The following NSMF variants were observed in gnomAD, a reference collection of about 807,000 sequenced individuals.
NSMF encodes the protein NMDA receptor synaptonuclear signaling and neuronal migration factor, also known as nasal embryonic LHRH factor.
Under a neutral mutation model 71.0 loss-of-function variants are expected in NSMF, and 31 were observed. The ratio of observed to expected loss-of-function variants is 0.44; its 90% CI spans 0.33 to 0.59. The LOEUF is 0.59. Among genes scored for constraint, NSMF ranks in the 20% least tolerant of loss-of-function variants. The probability of loss-of-function intolerance (pLI) is 0.04; values close to 1 mark genes in which losing one functional copy is unlikely to be tolerated. For missense variants in NSMF, 673 were observed against 740.5 expected, an observed-to-expected ratio of 0.91 and a Z score of 1.06; for synonymous variants, 345 against 287.1, an observed-to-expected ratio of 1.20 and a Z score of -2.04.
intron 3 of NSMF, 89 bp downstream of exon 3, chr9:137,457,318 G>A: frequency 1.3e-6 from 2 of 1,574,162 alleles, no homozygotes; most frequent in Non-Finnish European, 1.7e-6. Context: ...CCTGTTCTCT[G>A]TTCCAAGCCT....
chr9:137,454,821 C>T, intron 6 of NSMF: 1 of 1,289,584 alleles, frequency 7.8e-7, no homozygotes, highest in Non-Finnish European at 1.0e-6. Context: ...CCTGTCTGCA[C>T]CACCCCATGG....
Position 137,449,906 on chromosome 9 carries a change from C to T in NSMF, c.1419+17G>A. The T allele has an allele frequency of 6.2e-7, 1 of 1,600,938 alleles. No homozygotes were observed. On this transcript the variant is annotated intron_variant, in intron 14 of 15. Transcript: ENST00000371475. ...GGGTTTCCAGAGGTCTGGGGTGGGG[C>T]TTGGGGGTCACTGTACCTTCTCTCC...
rs1014974245 is a variant in NSMF, at chr9:137,453,196, G to A, written c.923-16C>T. 5.0e-6 allele frequency: 8 copies of A among 1,612,228 alleles called. No homozygotes were observed. Among genetic ancestry groups the A allele is most frequent in the Non-Finnish European group, 5.9e-6 (7 of 1,179,810 alleles). ...AGGTCACTGCCTGGGAAGCAAGAGG[G>A]TCACCAGGACAGCAGGCCCGGCAGC... On this transcript the variant is annotated splice_polypyrimidine_tract_variant and intron_variant, in intron 8 of 15. Transcript: ENST00000371475. This position sits in a 1 kb window ranked among gnomAD's most constrained non-coding sequence, Gnocchi z 4.5.
intron 12 of NSMF, 52 bp downstream of exon 12, chr9:137,452,313 C>T (rs1830575088): frequency 6.3e-6 from 10 of 1,581,660 alleles, no homozygotes; most frequent in Non-Finnish European, 8.7e-6. Context: ...TTGGTCTTCC[C>T]CTGCCCCACC....
Position 137,453,707 on chromosome 9 carries a change from G to A in NSMF, c.922+24C>T. Reference sequence around the variant, plus strand: ...TCTAGGGGAGGCTCTGGGGAAGGTGGGCGGGCCTGTGCGGGGCACCTACTG... The same window carrying A: ...TCTAGGGGAGGCTCTGGGGAAGGTGAGCGGGCCTGTGCGGGGCACCTACTG... On this transcript the variant is annotated intron_variant, in intron 8 of 15. Coordinates refer to ENST00000371475, the MANE Select transcript of NSMF (RefSeq NM_001130969.3). This position sits in a 1 kb window ranked among gnomAD's most constrained non-coding sequence, Gnocchi z 4.5. 1 of 1,576,122 alleles carries A rather than the reference G, an allele frequency of 6.3e-7. No individual in the cohort carries two copies.
chr9:137,457,755 C>A lies in NSMF; in HGVS notation c.280G>T (p.Gly94Cys). The change falls in exon 3 of 16, where the codon GGC (glycine) becomes TGC (cysteine). Residue 94 changes from glycine to cysteine, a missense_variant. This residue lies in a region of NSMF where 471 missense variants were observed against 459.6 expected (regional missense o/e 1.02). Coordinates refer to ENST00000371475, the MANE Select transcript of NSMF (RefSeq NM_001130969.3). The part of the protein sequence containing the change: ...SEEPSIRKPA[G>C]EGPQPRVYTI... ...TACACTCGAGGCTGAGGGCCCTCGC[C>A]TGCGGGCTTCCTAATGCTGGGCTCC... 2 of 1,559,388 alleles carry A rather than the reference C, an allele frequency of 1.3e-6. No homozygotes were observed. Among genetic ancestry groups the A allele is most frequent in the Non-Finnish European group, 1.7e-6 (2 of 1,151,860 alleles).
chr9:137,454,262 G>A (rs1328665356), intron 7 of NSMF, 129 bp downstream of exon 7: 2 of 908,394 alleles, frequency 2.2e-6, no homozygotes, highest in East Asian at 5.3e-5. Context: ...TGGCTGGAAG[G>A]GGAGGAGCCT....
chr9:137,449,645 A>C lies in NSMF; in HGVS notation c.1449T>G (p.Thr483=), dbSNP rs770546717. 6.2e-7 allele frequency: 1 copy of C among 1,612,520 alleles called. No individual in the cohort carries two copies. Among genetic ancestry groups the C allele is most frequent in the Non-Finnish European group, 8.5e-7 (1 of 1,179,758 alleles). Residue 483 remains threonine, a synonymous_variant, in exon 15 of 16, where the codon ACT becomes ACG. Transcript: ENST00000371475. ...KLFQNLRTLM[T]PYRVTFESPL... ...GTGACTCGAAGGTGACCCTATAAGGAGTCATGAGGGTCCTGAGGTTCTGGA... is the reference window on the plus strand; with the variant it reads ...GTGACTCGAAGGTGACCCTATAAGGCGTCATGAGGGTCCTGAGGTTCTGGA...
rs1388854372 is a variant in NSMF at position 137,455,618 on chromosome 9, C to G, written c.710+11G>C. On this transcript the variant is annotated intron_variant, in intron 5 of 15. Coordinates refer to ENST00000371475, the MANE Select transcript of NSMF (RefSeq NM_001130969.3). ...CTGTGCCCTTAGGCACCAAGTCATA[C>G]AGGTACTTACGAGATGCTGAAGCCA... The G allele has an allele frequency of 6.5e-7, 1 of 1,550,376 alleles. No individual in the cohort carries two copies. Among genetic ancestry groups the G allele is most frequent in the Non-Finnish European group, 8.7e-7 (1 of 1,146,896 alleles).
chr9:137,452,848 C>T, intron 9 of NSMF, 29 bp from the exon 10 acceptor site: 1 of 1,582,588 alleles, frequency 6.3e-7, no homozygotes, highest in South Asian at 1.1e-5. Context: ...GCTCAGGGGC[C>T]CCAGGCCCAT....
intron 3 of NSMF, 113 bp downstream of exon 3, chr9:137,457,294 C>T: frequency 2.8e-6 from 4 of 1,454,474 alleles, no homozygotes; most frequent in African/African-American, 1.4e-5. Context: ...CGCTGGCATG[C>T]TGTGACCTGA....
At chr9:137,457,278 T>G in intron 3 of NSMF, 129 bp downstream of exon 3, 1 of 1,345,344 alleles carries the variant, frequency 7.4e-7, no homozygotes. Context: ...GTTTTAATCT[T>G]GAGTCCGCTG....
chr9:137,456,491 G>A lies in NSMF; in HGVS notation c.629-5C>T, dbSNP rs1830842863. 2 of 1,608,300 alleles carry A rather than the reference G, an allele frequency of 1.2e-6. No individual in the cohort carries two copies. The highest frequency in any genetic ancestry group is 1.3e-5 in the African/African-American group (1 of 74,918). On this transcript the variant is annotated splice_polypyrimidine_tract_variant and splice_region_variant and intron_variant, in intron 3 of 15. Coordinates refer to ENST00000371475, the MANE Select transcript of NSMF (RefSeq NM_001130969.3). ...AGGTACGAATAGGGATGTCGTCTAA[G>A]AGAGACAAAAAGGAGCGGTGGCTGG...
chr9:137,454,571 C>T (rs1236135189), intron 6 of NSMF, 128 bp from the exon 7 acceptor site: 8 of 1,547,736 alleles, frequency 5.2e-6, no homozygotes, highest in South Asian at 4.8e-5. Context: ...CTCTCCCTGG[C>T]TCCTGGCACC....
In NSMF at chr9:137,450,160, G is replaced by A. The variant is rs921204278; in HGVS notation, c.1316+16C>T. ...GCCTCCAGCCCTCCCCGCGCCCAGG[G>A]CACCCGGCTTCTCACTGAATCATGT... On this transcript the variant is annotated intron_variant, in intron 13 of 15. Coordinates refer to ENST00000371475, the MANE Select transcript of NSMF (RefSeq NM_001130969.3). The A allele has an allele frequency of 6.8e-6, 11 of 1,612,112 alleles. No individual in the cohort carries two copies. The highest frequency in any genetic ancestry group is 1.7e-5 in the Admixed American group (1 of 59,992).
At chr9:137,455,545 G>A (rs1830790581) in intron 5 of NSMF, 84 bp downstream of exon 5, 3 of 1,470,144 alleles carry the variant, frequency 2.0e-6, no homozygotes, top group Non-Finnish European at 2.8e-6. Flanking sequence ...CAGGTCCCTG[G>A]CCTGCCCAAA....
chr9:137,449,458 C>G lies in NSMF; in HGVS notation c.1529G>C (p.Arg510Pro), dbSNP rs1564256670. The G allele has an allele frequency of 6.2e-7, 1 of 1,612,946 alleles. No individual in the cohort carries two copies. The highest frequency in any genetic ancestry group is 8.5e-7 in the Non-Finnish European group (1 of 1,179,942). The change falls in exon 16 of 16, where the codon CGG (arginine) becomes CCG (proline). Residue 510 changes from arginine (R) to proline (P), a missense_variant. Transcript: ENST00000371475. Reference protein sequence around the residue: ...KQMIETYFDFRLYRLWKSRQH... With the variant: ...KQMIETYFDFPLYRLWKSRQH... Reference sequence around the variant, plus strand: ...GCGGCTCTTCCACAGGCGATACAACCGGAAGTCAAAGTACGTCTCGATCAT... The same window carrying G: ...GCGGCTCTTCCACAGGCGATACAACGGGAAGTCAAAGTACGTCTCGATCAT...
chr9:137,458,008 G>C, intron 2 of NSMF, 107 bp from the exon 3 acceptor site: 1 of 1,482,212 alleles, frequency 6.7e-7, no homozygotes, highest in Non-Finnish European at 9.1e-7. Flanking sequence ...GGCCTCTGTG[G>C]GGGACTAGGG....
At chr9:137,450,068 C>T in intron 13 of NSMF, 43 bp from the exon 14 acceptor site, 3 of 1,592,302 alleles carry the variant, frequency 1.9e-6, no homozygotes, top group East Asian at 2.2e-5. Context: ...GGGACAGGCA[C>T]CCCACTCCAC....
Sources: allele counts gnomAD v4.1 joint callset, GRCh38; gene constraint gnomAD v4.1.1; regional missense constraint gnomAD v4.1.1; non-coding constraint Gnocchi (gnomAD v3.1); transcripts MANE v1.5; gene names NCBI Gene and HGNC (gene_info 2026-07-23, HGNC 2026-07-21).